IQCK: variants seen among roughly 807,000 people sequenced by gnomAD.
The protein encoded by IQCK is IQ motif containing K.
A neutral mutation model predicts 28.1 loss-of-function variants in IQCK; 29 were observed. The observed-to-expected ratio is 1.03, with a 90% CI of 0.77 to 1.41. IQCK has a LOEUF of 1.41. IQCK is among the 40% of genes most tolerant of loss of function. The pLI, the probability that IQCK is intolerant of heterozygous loss-of-function variation, is 0.00. For synonymous variants in IQCK, 113 were observed against 115.1 expected (o/e 0.98, Z 0.12); for missense variants, 359 against 314.7 (o/e 1.14, Z -1.07).
At chr16:19,761,584 A>G (rs959650297) in intron 4 of IQCK, 22 of 276,224 alleles carry the variant, frequency 8.0e-5, no homozygotes, top group Non-Finnish European at 1.4e-4. Context: ...CAGAGATTTT[A>G]TCACCCGATT....
intron 4 of IQCK, among the ~76,000 whole-genome samples, chr16:19,752,389 G>A (rs1459706987): frequency 2.6e-5 from 4 of 152,128 alleles, no homozygotes; most frequent in Non-Finnish European, 5.9e-5. Context: ...TATATTGTTA[G>A]CAGTAAAAAG....
chr16:19,817,840 T>A (rs2056010113), intron 7 of IQCK, among the ~76,000 whole-genome samples: 1 of 152,206 alleles, frequency 6.6e-6, no homozygotes, highest in Non-Finnish European at 1.5e-5. Context: ...CAGTCCCTGA[T>A]GACGAACCCA....
intron 2 of IQCK, among the ~76,000 whole-genome samples, chr16:19,730,875 A>C (rs2151680386): frequency 6.6e-6 from 1 of 152,216 alleles, no homozygotes; most frequent in Admixed American, 6.5e-5. Flanking sequence ...CTGGGACTAC[A>C]GGCACCCGCC....
At chr16:19,808,221 C>G (rs2055857829) in intron 7 of IQCK, among the ~76,000 whole-genome samples, 2 of 152,314 alleles carry the variant, frequency 1.3e-5, no homozygotes, top group Middle Eastern at 6.8e-3. Context: ...CTTCCCTTCC[C>G]CCTGCCTGCT....
intron 1 of IQCK, among the ~76,000 whole-genome samples, chr16:19,728,929 G>C (rs929871731): frequency 1.3e-5 from 2 of 152,194 alleles, no homozygotes; most frequent in African/African-American, 4.8e-5. Flanking sequence ...CCATACGACT[G>C]TATGCCCTCA....
At chr16:19,760,238 A>C (rs762099449) in intron 4 of IQCK, among the ~76,000 whole-genome samples, 1 of 152,232 alleles carries the variant, frequency 6.6e-6, no homozygotes, top group Non-Finnish European at 1.5e-5. Context: ...AGACAATAAT[A>C]GTGCTAAAAA....
intron 4 of IQCK, among the ~76,000 whole-genome samples, chr16:19,737,612 T>C (rs1259560689): frequency 6.6e-6 from 1 of 152,200 alleles, no homozygotes; most frequent in Non-Finnish European, 1.5e-5. Flanking sequence ...CTCTGGGCCG[T>C]GGTTCACCAT....
intron 9 of IQCK, among the ~76,000 whole-genome samples, chr16:19,836,714 A>G (rs1463294103): frequency 1.3e-5 from 2 of 152,156 alleles, no homozygotes; most frequent in Admixed American, 6.5e-5. Context: ...GGGTTTCACC[A>G]TGTTGGCCAG....
rs1160493931 is a variant in IQCK, at chr16:19,735,353, G to T, written c.377G>T (p.Cys126Phe). 1 of 1,611,458 alleles carries T rather than the reference G, an allele frequency of 6.2e-7. No individual in the cohort carries two copies. Among genetic ancestry groups the T allele is most frequent in the Admixed American group, 1.7e-5 (1 of 60,000 alleles). The change falls in exon 4 of 8, where the codon TGT (cysteine) becomes TTT (phenylalanine). Residue 126 changes from cysteine (C) to phenylalanine (F), a missense_variant and splice_region_variant. Transcript: ENST00000564186. ...GGGAATTTTTGTTTGTTTGTTTTAG[G>T]TTCTCCCAAAGAATATTTGGAAACT... is the stretch of plus-strand genomic sequence containing the variant.
intron 7 of IQCK, among the ~76,000 whole-genome samples, chr16:19,807,788 A>C (rs1419787028): frequency 2.0e-5 from 3 of 152,160 alleles, no homozygotes; most frequent in African/African-American, 2.4e-5. Context: ...CTGCTGTCAC[A>C]GGGTCATATG....
intron 7 of IQCK, among the ~76,000 whole-genome samples, chr16:19,806,455 G>A (rs2055834856): frequency 6.6e-6 from 1 of 152,104 alleles, no homozygotes; most frequent in Admixed American, 6.6e-5. Context: ...GGAGGCTGAG[G>A]CGGGCAAATC....
chr16:19,748,831 G>A (rs1237193251), intron 4 of IQCK, among the ~76,000 whole-genome samples: 1 of 152,050 alleles, frequency 6.6e-6, no homozygotes, highest in Non-Finnish European at 1.5e-5. Flanking sequence ...TAGAATCTGA[G>A]AATGTAATAT....
rs532208378 is a variant in IQCK, at chr16:19,751,680, A to G, written c.475-12168A>G. 1.0e-3 allele frequency among the ~76,000 whole-genome samples: 155 copies of G among 151,792 alleles called. 4 individuals carry two copies. The South Asian group carries it at 0.03, about 29-fold the overall frequency. ...GCCTCTGCCAGTAGCTTCCTTTAAC[A>G]AAGAGCTTGGCATGCCTTCTCCAAG... On this transcript the variant is annotated intron_variant, in intron 4 of 7. Transcript: ENST00000564186.
chr16:19,826,074 T>G (rs1170195592), intron 7 of IQCK, among the ~76,000 whole-genome samples: 2 of 152,208 alleles, frequency 1.3e-5, no homozygotes, highest in Non-Finnish European at 2.9e-5. Context: ...TGGCACAATC[T>G]TGGCTTACTG....
intron 3 of IQCK, among the ~76,000 whole-genome samples, 198 bp from the exon 4 acceptor site, chr16:19,735,155 A>C (rs1977971639): frequency 6.6e-6 from 1 of 152,180 alleles, no homozygotes; most frequent in African/African-American, 2.4e-5. Flanking sequence ...CATCTTCACC[A>C]GACTATAGAG....
chr16:19,741,861 C>A (rs2054839956), intron 4 of IQCK, among the ~76,000 whole-genome samples: 1 of 152,080 alleles, frequency 6.6e-6, no homozygotes, highest in Non-Finnish European at 1.5e-5. Flanking sequence ...GTTGCAGGCA[C>A]CTGTAATTTC....
intron 6 of IQCK, among the ~76,000 whole-genome samples, chr16:19,786,473 G>A (rs570860789): frequency 6.8e-6 from 1 of 147,072 alleles, no homozygotes; most frequent in South Asian, 2.1e-4. Flanking sequence ...AGAGGTGGGT[G>A]GATCACCAGA....
exon 1 of IQCK, chr16:19,718,286 G>C: frequency 6.3e-7 from 1 of 1,592,288 alleles, no homozygotes; most frequent in Non-Finnish European, 8.5e-7. Flanking sequence ...GGCGAACGCG[G>C]TTACCGTGGA....
At chr16:19,752,489 GGGCA>G (rs2054999575) in intron 4 of IQCK, among the ~76,000 whole-genome samples, 1 of 152,148 alleles carries the variant, frequency 6.6e-6, no homozygotes, top group South Asian at 2.1e-4. Context: ...AACTCTTTGA[GGGCA>G]GGTCCTGAAC....
Sources: gnomAD v4.1 joint callset for allele counts (sites outside exome capture counted in the v4.1 genomes callset) on GRCh38, gnomAD v4.1.1 for gene constraint, MANE v1.5 for transcripts, NCBI Gene and HGNC (gene_info 2026-07-23, HGNC 2026-07-21) for gene names.